The following ADAMTS20 variants were observed in gnomAD, a reference collection of about 807,000 sequenced individuals.
ADAMTS20 encodes the protein A disintegrin and metalloproteinase with thrombospondin motifs 20.
ADAMTS20 carries 225 observed loss-of-function variants against 260.1 expected under a neutral mutation model. That is an observed-to-expected ratio of 0.87 (90% CI 0.78 to 0.97). The LOEUF (loss-of-function observed/expected upper bound fraction) is 0.97. ADAMTS20 is among the 50% of genes least tolerant of loss of function. The pLI is 0.00. For missense variants in ADAMTS20, 2,400 were observed against 2,337.7 expected, an observed-to-expected ratio of 1.03 and a Z score of -0.55; for synonymous variants, 802 against 769.5, an observed-to-expected ratio of 1.04 and a Z score of -0.70.
Position 43,428,654 on chromosome 12 carries a change from T to C in ADAMTS20, c.3635A>G (p.Gln1212Arg), listed in dbSNP as rs1272228276. 3.1e-6 allele frequency: 5 copies of C among 1,595,396 alleles called. No individual in the cohort carries two copies. The South Asian group carries it at 5.7e-5, about 18-fold the overall frequency. ...ACTTACGGGTGACCAATCCCCTGCTTGCCACTCTCCACAAGGGGTAAAACA... is the reference window on the plus strand; with the variant it reads ...ACTTACGGGTGACCAATCCCCTGCTCGCCACTCTCCACAAGGGGTAAAACA... ...WDCFTPCGEW[Q>R]AGDWSPCSAS... The change falls in exon 25 of 39, where the codon CAA (glutamine) becomes CGA (arginine). Residue 1212 changes from glutamine (Q) to arginine (R), a missense_variant. Physicochemically the swap from Gln to Arg is conservative, Grantham distance 43. Transcript: ENST00000389420.
intron 10 of ADAMTS20, among the ~76,000 whole-genome samples, chr12:43,464,181 T>C (rs1000626501): frequency 1.9e-4 from 29 of 152,226 alleles, no homozygotes; most frequent in African/African-American, 6.7e-4. Context: ...TGAATTCAAA[T>C]ATATGTAAAG....
At position 43,435,617 on chromosome 12, in the gene ADAMTS20, G is replaced by T. The variant is rs1027035245; in HGVS notation, c.2594-1246C>A. On this transcript the variant is annotated intron_variant, in intron 18 of 38. Coordinates refer to ENST00000389420, the MANE Select transcript of ADAMTS20 (RefSeq NM_025003.5). ...GATCGCACCACTGCACTCCAGCCTG[G>T]GCAACAGAGTGAGACTCCATTTCTA... is the stretch of plus-strand genomic sequence containing the variant. Among the ~76,000 whole-genome samples, 49 of 144,714 alleles carry T rather than the reference G, an allele frequency of 3.4e-4. 1 individual carries two copies. Among genetic ancestry groups the T allele is most frequent in the Non-Finnish European group, 1.2e-4 (8 of 66,838 alleles). The allele number at this position is 144,714 out of a possible 152,430, so 94.9% of individuals were successfully genotyped here.
At chr12:43,359,130 CT>C (rs1428708594) in intron 37 of ADAMTS20, among the ~76,000 whole-genome samples, 1 of 152,164 alleles carries the variant, frequency 6.6e-6, no homozygotes, top group Non-Finnish European at 1.5e-5. Context: ...ACCTCTTCTT[CT>C]ACTCTCCTGA....
intron 28 of ADAMTS20, among the ~76,000 whole-genome samples, chr12:43,412,685 G>A (rs940850346): frequency 3.9e-5 from 6 of 151,904 alleles, no homozygotes; most frequent in African/African-American, 1.5e-4. Flanking sequence ...GAGTGAGGGA[G>A]GCATCATGTC....
chr12:43,452,131 T>C, intron 14 of ADAMTS20, 143 bp downstream of exon 14: 1 of 810,914 alleles, frequency 1.2e-6, no homozygotes, highest in South Asian at 2.1e-5. Context: ...CTTCTATAGA[T>C]AGCATGATAA....
intron 4 of ADAMTS20, 71 bp from the exon 5 acceptor site, chr12:43,493,324 TCA>T (rs1168149137): frequency 6.5e-6 from 7 of 1,082,512 alleles, no homozygotes; most frequent in Non-Finnish European, 1.3e-6. Context: ...GTTGAAATAG[TCA>T]CAGAGTATCA....
chr12:43,516,661 A>G (rs1943003406), intron 3 of ADAMTS20, among the ~76,000 whole-genome samples: 1 of 152,100 alleles, frequency 6.6e-6, no homozygotes, highest in Non-Finnish European at 1.5e-5. Context: ...CAGAGCTTAT[A>G]TCGTATGGTC....
chr12:43,358,931 ATAAG>A (rs757265642), intron 37 of ADAMTS20, among the ~76,000 whole-genome samples: 26 of 146,206 alleles, frequency 1.8e-4, no homozygotes, highest in East Asian at 7.7e-4. Flanking sequence ...GAAGTAATAA[ATAAG>A]TGAGTGTGAA....
intron 28 of ADAMTS20, among the ~76,000 whole-genome samples, chr12:43,408,103 C>T (rs1037185923): frequency 2.0e-5 from 3 of 152,108 alleles, no homozygotes; most frequent in Non-Finnish European, 4.4e-5. Context: ...CAAATCTTGT[C>T]TATTTTTAAC....
At position 43,464,636 on chromosome 12, in the gene ADAMTS20, C is replaced by T; in HGVS notation, c.1464G>A (p.Gln488=). ...ACCCAGGACCAAACGCAAGCTCACA[C>T]TGCTTGTTTCCATCATATCGTGATC... ...LPGSRYDGNK[Q]CELAFGPGSQ... Residue 488 remains glutamine, a synonymous_variant, in exon 10 of 39, where the codon CAG becomes CAA. Transcript: ENST00000389420. 1 of 1,613,452 alleles carries T rather than the reference C, an allele frequency of 6.2e-7. No homozygotes were observed. Among genetic ancestry groups the T allele is most frequent in the Non-Finnish European group, 8.5e-7 (1 of 1,179,496 alleles).
intron 7 of ADAMTS20, among the ~76,000 whole-genome samples, chr12:43,471,542 C>A: frequency 1.5e-5 from 2 of 131,364 alleles, no homozygotes; most frequent in Non-Finnish European, 1.6e-5. Flanking sequence ...AGGGCACAGA[C>A]AAACAAAAAG....
At chr12:43,416,170 G>T (rs948217556) in intron 28 of ADAMTS20, among the ~76,000 whole-genome samples, 3 of 152,016 alleles carry the variant, frequency 2.0e-5, no homozygotes, top group Non-Finnish European at 4.4e-5. Flanking sequence ...GAGTGCTCTG[G>T]GTGAGTAATC....
chr12:43,409,760 G>A (rs184620900), intron 28 of ADAMTS20, among the ~76,000 whole-genome samples: 45 of 151,984 alleles, frequency 3.0e-4, no homozygotes, highest in African/African-American at 9.9e-4. Context: ...TTTAATGAAA[G>A]AGCCTACAGA....
At chr12:43,514,712 T>C (rs1198228970) in intron 3 of ADAMTS20, among the ~76,000 whole-genome samples, 2 of 152,080 alleles carry the variant, frequency 1.3e-5, no homozygotes, top group Non-Finnish European at 1.5e-5. Context: ...ATGTATAGCA[T>C]TGTGATATTC....
chr12:43,478,845 T>A (rs1942399240), intron 7 of ADAMTS20, among the ~76,000 whole-genome samples: 2 of 152,160 alleles, frequency 1.3e-5, no homozygotes, highest in Non-Finnish European at 2.9e-5. Flanking sequence ...AATTACTGAA[T>A]TAGAAAGAGT....
intron 37 of ADAMTS20, among the ~76,000 whole-genome samples, chr12:43,366,379 A>G (rs935413422): frequency 1.3e-5 from 2 of 151,932 alleles, no homozygotes; most frequent in Non-Finnish European, 2.9e-5. Flanking sequence ...GACAATTTAA[A>G]AATAATAGTT....
At chr12:43,401,825 A>C (rs1426367010) in intron 28 of ADAMTS20, among the ~76,000 whole-genome samples, 1 of 150,998 alleles carries the variant, frequency 6.6e-6, no homozygotes, top group Non-Finnish European at 1.5e-5. Context: ...TTCTTGATCC[A>C]CCAAATTTTA....
In ADAMTS20 at chr12:43,354,252, C is replaced by A. The variant is rs779095369; in HGVS notation, c.5690G>T (p.Cys1897Phe). 1 of 1,595,006 alleles carries A rather than the reference C, an allele frequency of 6.3e-7. No individual in the cohort carries two copies. ...FGKCGGYCGKCLPHMTTGLPI... is the reference protein window; with the variant it reads ...FGKCGGYCGKFLPHMTTGLPI... ...GAGACCAGTAGTCATGTGAGGAAGA[C>A]ACTTTCCACAGTACCCTCCACATTT... Residue 1897 changes from cysteine (C) to phenylalanine (F), a missense_variant, in exon 39 of 39, where the codon TGT (cysteine) becomes TTT (phenylalanine). Coordinates refer to ENST00000389420, the MANE Select transcript of ADAMTS20 (RefSeq NM_025003.5).
chr12:43,551,972 G>A lies in ADAMTS20; in HGVS notation c.-51C>T. On this transcript the variant is annotated 5_prime_UTR_variant, in exon 1 of 39. Transcript: ENST00000389420. The surrounding 1 kb of genome is among the most constrained non-coding windows in gnomAD (Gnocchi z 4.6). ...GGGAGGCCCACCAGAGCCGCCGGCA[G>A]CCAAGCCGGCTTCCCTCGCGCTCCG... The A allele has an allele frequency of 1.3e-6, 2 of 1,511,172 alleles. No homozygotes were observed. Among genetic ancestry groups the A allele is most frequent in the Non-Finnish European group, 1.8e-6 (2 of 1,089,828 alleles). 93.6% of individuals were successfully genotyped at this position (1,511,172 alleles called of 1,614,324 possible).
Sources: gnomAD v4.1 joint callset for allele counts (sites outside exome capture counted in the v4.1 genomes callset) on GRCh38, gnomAD v4.1.1 for gene constraint, Gnocchi (gnomAD v3.1) non-coding constraint, MANE v1.5 for transcripts, NCBI Gene and HGNC (gene_info 2026-07-23, HGNC 2026-07-21) for gene names.